Variants in SCN8A observed in about 807,000 individuals in gnomAD.
The protein encoded by SCN8A is sodium channel protein type 8 subunit alpha.
A neutral mutation model predicts 184.1 loss-of-function variants in SCN8A; 30 were observed. The observed-to-expected ratio is 0.16, with a 90% CI of 0.12 to 0.22. The LOEUF is 0.22. Among genes scored for constraint, SCN8A ranks in the 10% least tolerant of loss-of-function variants. SCN8A has a pLI of 1.00. For missense variants in SCN8A, 1,057 were observed against 2,498.9 expected, an observed-to-expected ratio of 0.42 and a Z score of 12.30; for synonymous variants, 852 against 907.0, an observed-to-expected ratio of 0.94 and a Z score of 1.09.
At chr12:51,765,628 T>C (rs1333103694) in intron 15 of SCN8A, 43 bp from the exon 16 acceptor site, 1 of 1,152,028 alleles carries the variant, frequency 8.7e-7, no homozygotes, top group Admixed American at 2.8e-5. Flanking sequence ...GAAAATTGAT[T>C]GAGTATCATT....
At chr12:51,796,316 T>C (rs1248064708) in intron 26 of SCN8A, among the ~76,000 whole-genome samples, 5 of 152,152 alleles carry the variant, frequency 3.3e-5, no homozygotes, top group Admixed American at 2.6e-4. Context: ...CTCAAGTCCA[T>C]TCTCCTAATT....
intron 1 of SCN8A, among the ~76,000 whole-genome samples, chr12:51,638,215 A>G (rs1416726902): frequency 2.0e-5 from 3 of 152,116 alleles, no homozygotes; most frequent in Non-Finnish European, 4.4e-5. Flanking sequence ...GGAGATATAC[A>G]AGGAGATTAA....
intron 1 of SCN8A, among the ~76,000 whole-genome samples, chr12:51,658,726 G>A (rs1940871455): frequency 6.6e-6 from 1 of 152,136 alleles, no homozygotes; most frequent in East Asian, 1.9e-4. Flanking sequence ...CTAGATAACT[G>A]GTAGTGTGAA....
intron 13 of SCN8A, among the ~76,000 whole-genome samples, chr12:51,746,478 C>T (rs1942513789): frequency 6.6e-6 from 1 of 152,140 alleles, no homozygotes; most frequent in Non-Finnish European, 1.5e-5. Context: ...TTTGGTTTTC[C>T]CTTAAGGAAG....
chr12:51,632,899 C>A (rs576151561), intron 1 of SCN8A, among the ~76,000 whole-genome samples: 1 of 150,022 alleles, frequency 6.7e-6, no homozygotes, highest in South Asian at 2.1e-4. Context: ...CTGTTTCCTC[C>A]GTGCTTTTAC....
intron 4 of SCN8A, 84 bp downstream of exon 4, chr12:51,686,541 A>G: frequency 1.1e-6 from 1 of 912,118 alleles, no homozygotes; most frequent in Non-Finnish European, 1.7e-6. Flanking sequence ...TTACCCATCA[A>G]GGAGAAAAAA....
In SCN8A at chr12:51,706,294, C is replaced by T. The variant is rs181086119; in HGVS notation, c.1342-128C>T. 47 of 849,742 alleles carry T rather than the reference C, an allele frequency of 5.5e-5. No homozygotes were observed. The East Asian group carries it at 1.2e-3, about 22-fold the overall frequency. The allele number at this position is 849,742 out of a possible 1,614,324, so 52.6% of individuals were successfully genotyped here. ...GAATACACAGAAACCCTCTAACAGT[C>T]TAGGTTTCCTGCCTCCTTTTTTCCT... On this transcript the variant is annotated intron_variant, in intron 10 of 26. Coordinates refer to ENST00000627620, the MANE Select transcript of SCN8A (RefSeq NM_001330260.2).
At chr12:51,640,224 T>G (rs1175319938) in intron 1 of SCN8A, among the ~76,000 whole-genome samples, 2 of 95,288 alleles carry the variant, frequency 2.1e-5, no homozygotes, top group African/African-American at 5.8e-5. Flanking sequence ...TTTTTTTTTT[T>G]TTTTTTTTTT....
At chr12:51,777,406 C>T (rs866501606) in intron 20 of SCN8A, among the ~76,000 whole-genome samples, 3 of 152,154 alleles carry the variant, frequency 2.0e-5, no homozygotes, top group African/African-American at 4.8e-5. Context: ...ACTACAGACA[C>T]GTGCCAAGGC....
intron 1 of SCN8A, among the ~76,000 whole-genome samples, chr12:51,606,527 C>G: frequency 6.6e-6 from 1 of 152,148 alleles, no homozygotes; most frequent in East Asian, 1.9e-4. Flanking sequence ...AGTATGATGC[C>G]TCCAGATTTG....
chr12:51,612,145 T>G (rs1201581895), intron 1 of SCN8A, among the ~76,000 whole-genome samples: 1 of 152,180 alleles, frequency 6.6e-6, no homozygotes, highest in African/African-American at 2.4e-5. Flanking sequence ...AAGTATGATA[T>G]TCCCTGCTTG....
chr12:51,702,955 G>A (rs1490183368), intron 9 of SCN8A, 41 bp downstream of exon 9: 1 of 1,540,252 alleles, frequency 6.5e-7, no homozygotes, highest in Non-Finnish European at 8.8e-7. Context: ...GAGTTTGCAT[G>A]AGCTTATATG....
rs571876542 is a variant in SCN8A, at chr12:51,731,249, T to TTC, written c.1998+9342_1998+9343insCT. ...TTTCTTTTTTCTTTTTCTTCTTCTT[T>TTC]TTTTTTTTGAGACAATCTCACTCTG... On this transcript the variant is annotated intron_variant, in intron 12 of 26. Coordinates refer to ENST00000627620, the MANE Select transcript of SCN8A (RefSeq NM_001330260.2). 4.5e-3 allele frequency among the ~76,000 whole-genome samples: 659 copies of TTC among 146,154 alleles called. 4 individuals are homozygous for TTC. Among genetic ancestry groups the TTC allele is most frequent in the African/African-American group, 0.017 (600 of 36,080 alleles).
At chr12:51,800,413 C>G (rs551254735) in intron 26 of SCN8A, among the ~76,000 whole-genome samples, 2 of 152,294 alleles carry the variant, frequency 1.3e-5, no homozygotes, top group South Asian at 2.1e-4. Flanking sequence ...GAATCACCAC[C>G]CCTGCATCTT....
chr12:51,613,561 A>C (rs2138582069), intron 1 of SCN8A, among the ~76,000 whole-genome samples: 1 of 151,724 alleles, frequency 6.6e-6, no homozygotes, highest in African/African-American at 2.4e-5. Context: ...CTTTTCCTAT[A>C]TTAATTTTCC....
At chr12:51,628,115 T>C (rs1759818607) in intron 1 of SCN8A, among the ~76,000 whole-genome samples, 1 of 152,032 alleles carries the variant, frequency 6.6e-6, no homozygotes, top group African/African-American at 2.4e-5. Flanking sequence ...CTTTAAGACA[T>C]TGTAGGTTTA....
chr12:51,688,637 CTTTTCT>C (rs2138715849), intron 5 of SCN8A: 2 of 686,154 alleles, frequency 2.9e-6, no homozygotes, highest in Admixed American at 5.2e-5. Context: ...TATTTTGAAG[CTTTTCT>C]TTTTCAAGGA....
At position 51,591,308 on chromosome 12, in the gene SCN8A, T is replaced by G. The variant is rs1228407164; in HGVS notation, c.-106T>G. The G allele has an allele frequency of 6.5e-6, 1 of 154,892 alleles. No homozygotes were observed. The highest frequency in any genetic ancestry group is 1.4e-5 in the Non-Finnish European group (1 of 69,874). The allele number at this position is 154,892 out of a possible 1,614,324, so 9.6% of individuals were successfully genotyped here. On this transcript the variant is annotated 5_prime_UTR_variant, in exon 1 of 27. Coordinates refer to ENST00000627620, the MANE Select transcript of SCN8A (RefSeq NM_001330260.2). ...GGCGCCTTTGCAGTCCGGCCGCGCCTCCCGGGCCCCGCGTTAGGGCCGCCG... is the reference window on the plus strand; with the variant it reads ...GGCGCCTTTGCAGTCCGGCCGCGCCGCCCGGGCCCCGCGTTAGGGCCGCCG...
At chr12:51,653,281 A>G (rs1262649295) in intron 1 of SCN8A, among the ~76,000 whole-genome samples, 2 of 152,128 alleles carry the variant, frequency 1.3e-5, no homozygotes, top group African/African-American at 2.4e-5. Context: ...GATCATTTAT[A>G]AACTTTTTCA....
Sources: gnomAD v4.1 joint callset for allele counts (sites outside exome capture counted in the v4.1 genomes callset) on GRCh38, gnomAD v4.1.1 for gene constraint, MANE v1.5 for transcripts, NCBI Gene and HGNC (gene_info 2026-07-23, HGNC 2026-07-21) for gene names.